The following NPAS2 variants were observed in gnomAD, a reference collection of about 807,000 sequenced individuals.
NPAS2 encodes neuronal PAS domain protein 2.
Under a neutral mutation model 107.5 loss-of-function variants are expected in NPAS2, and 23 were observed. The observed-to-expected ratio is 0.21, with a 90% CI of 0.15 to 0.30. The LOEUF (loss-of-function observed/expected upper bound fraction) is 0.30. Ranked by LOEUF, NPAS2 falls within the 10% of genes least tolerant of loss-of-function variation. The probability of loss-of-function intolerance (pLI) is 1.00; values close to 1 mark genes in which losing one functional copy is unlikely to be tolerated. For missense variants in NPAS2, 756 were observed against 1,043.3 expected (o/e 0.72, Z 3.79); for synonymous variants, 403 against 417.5 (o/e 0.97, Z 0.42).
intron 12 of NPAS2, among the ~76,000 whole-genome samples, 153 bp from the exon 13 acceptor site, chr2:100,974,650 C>T (rs767521899): frequency 5.3e-5 from 8 of 152,234 alleles, no homozygotes; most frequent in Admixed American, 3.9e-4. Context: ...TATGTATATA[C>T]TCTACCCAAG....
intron 1 of NPAS2, among the ~76,000 whole-genome samples, chr2:100,852,689 G>A (rs748430318): frequency 5.3e-5 from 8 of 152,050 alleles, no homozygotes; most frequent in African/African-American, 1.2e-4. Flanking sequence ...TGGAGTCACC[G>A]CCTCTACATT....
At chr2:100,851,774 G>T (rs2104476184) in intron 1 of NPAS2, among the ~76,000 whole-genome samples, 1 of 152,294 alleles carries the variant, frequency 6.6e-6, no homozygotes, top group East Asian at 1.9e-4. Context: ...CATTAATAGT[G>T]GTTGTCTGGG....
intron 3 of NPAS2, among the ~76,000 whole-genome samples, chr2:100,925,663 C>G (rs1683512206): frequency 6.6e-6 from 1 of 152,216 alleles, no homozygotes; most frequent in South Asian, 2.1e-4. Flanking sequence ...CCTGTGGGAT[C>G]AGACTATGTG....
chr2:100,989,008 CA>C, intron 17 of NPAS2: 1 of 249,812 alleles, frequency 4.0e-6, no homozygotes. Flanking sequence ...ACTGCTCCTC[CA>C]GGCCCCCCAG....
intron 16 of NPAS2, chr2:100,987,216 G>A (rs1388815981): frequency 2.6e-5 from 4 of 152,184 alleles, no homozygotes; most frequent in Admixed American, 6.5e-5. Flanking sequence ...TAATACAGGC[G>A]TTAGACACAG....
chr2:100,982,413 G>A, intron 16 of NPAS2, 36 bp downstream of exon 16: 2 of 1,607,572 alleles, frequency 1.2e-6, no homozygotes, highest in Non-Finnish European at 1.7e-6. Flanking sequence ...TGTCCCTGCT[G>A]CTGTGTGGGA....
Position 100,901,424 on chromosome 2 carries a change from A to G in NPAS2, c.-22-3309A>G, listed in dbSNP as rs950068341. The G allele has an allele frequency of 1.9e-5, 12 of 637,278 alleles. No homozygotes were observed. The Admixed American group carries it at 7.0e-4, about 37-fold the overall frequency. 39.5% of individuals were successfully genotyped at this position (637,278 alleles called of 1,614,324 possible). A position where few individuals can be genotyped will look rare whatever the true frequency, so the allele number is the denominator to read the frequency against. On this transcript the variant is annotated intron_variant, in intron 1 of 20. Transcript: ENST00000335681. ...TGGATTTCAAACTGGGGGGGATGTT[A>G]CAAAGCTTAAAAAGACTCCGGAGAG...
At position 100,937,822 on chromosome 2, in the gene NPAS2, C is replaced by T. The variant is rs1423558314; in HGVS notation, c.343C>T (p.Pro115Ser). Residue 115 changes from proline (P) to serine (S), a missense_variant, in exon 5 of 21, where the codon CCT (proline) becomes TCT (serine). Transcript: ENST00000335681. ...CATCTATGTCTCTGACAGTATCACG[C>T]CTCTCCTTGGGCATTTACCGGTGAG... ...SIIYVSDSIT[P>S]LLGHLPSDVM... The T allele has an allele frequency of 6.2e-7, 1 of 1,613,824 alleles. No individual in the cohort carries two copies. Among genetic ancestry groups the T allele is most frequent in the Non-Finnish European group, 8.5e-7 (1 of 1,179,688 alleles).
chr2:100,841,537 C>T (rs914906880), intron 1 of NPAS2, among the ~76,000 whole-genome samples: 3 of 152,210 alleles, frequency 2.0e-5, no homozygotes, highest in Non-Finnish European at 4.4e-5. Context: ...AGCATAATCC[C>T]TATTTGTGTG....
chr2:100,967,401 T>G (rs111666077), intron 10 of NPAS2, among the ~76,000 whole-genome samples: 1 of 151,894 alleles, frequency 6.6e-6, no homozygotes, highest in Non-Finnish European at 1.5e-5. Flanking sequence ...TAATTTTTTG[T>G]ATTTTTAGTA....
rs1200825243 is a variant in NPAS2 at position 100,974,822 on chromosome 2, A to T, written c.1160A>T (p.Glu387Val). 1 of 1,614,096 alleles carries T rather than the reference A, an allele frequency of 6.2e-7. No homozygotes were observed. The highest frequency in any genetic ancestry group is 1.7e-5 in the Admixed American group (1 of 60,014). ...SALKDKGSSL[E>V]PRQHFNTLDV... ...TTTCAGGACAAGGGCTCAAGCCTGG[A>T]ACCTCGGCAGCACTTTAACACACTC... The change falls in exon 13 of 21, where the codon GAA becomes GTA. Residue 387 changes from glutamate to valine, a missense_variant. Transcript: ENST00000335681.
intron 4 of NPAS2, chr2:100,934,060 G>T (rs1175986907): frequency 6.6e-6 from 1 of 152,138 alleles, no homozygotes; most frequent in African/African-American, 2.4e-5. Flanking sequence ...AAATGTAAAC[G>T]CATTAATGAA....
rs566931923 is a variant in NPAS2, at chr2:100,906,827, G to A, written c.32+2041G>A. Among the ~76,000 whole-genome samples the A allele has an allele frequency of 1.8e-4, 28 of 152,332 alleles. 1 individual carries two copies. The South Asian group carries it at 5.8e-3, about 32-fold the overall frequency. ...TCTTCTCAACATTCCTTTGAAGTGT[G>A]TATCATTCTTATTCCCATTTTACAG... is the stretch of plus-strand genomic sequence containing the variant. On this transcript the variant is annotated intron_variant, in intron 2 of 20. Coordinates refer to ENST00000335681, the MANE Select transcript of NPAS2 (RefSeq NM_002518.4).
chr2:100,822,189 C>A (rs115181746), intron 1 of NPAS2, among the ~76,000 whole-genome samples: 38 of 152,242 alleles, frequency 2.5e-4, no homozygotes, highest in Non-Finnish European at 4.3e-4. Flanking sequence ...GAAATACGTT[C>A]TAGAGGAAAT....
At chr2:100,884,188 A>G (rs1366596745) in intron 1 of NPAS2, among the ~76,000 whole-genome samples, 1 of 152,000 alleles carries the variant, frequency 6.6e-6, no homozygotes, top group African/African-American at 2.4e-5. Context: ...TGAAACCCCT[A>G]TATTTGTCAG....
chr2:100,977,633 C>G (rs1225576399), intron 14 of NPAS2, 77 bp from the exon 15 acceptor site: 1 of 1,290,206 alleles, frequency 7.8e-7, no homozygotes, highest in African/African-American at 1.5e-5. Context: ...GCAGAGAACC[C>G]ACCGGACCAA....
In NPAS2 at chr2:100,988,270, A is replaced by G. The variant is rs746285816; in HGVS notation, c.1821A>G (p.Ser607=). ...QHLLRESSVI[S]TQGPKPMRSS... Reference sequence around the variant, plus strand: ...TGCTCAGAGAATCAAGTGTGATATCAACCCAGGTAAATGTGCTCCTTGCCA... The same window carrying G: ...TGCTCAGAGAATCAAGTGTGATATCGACCCAGGTAAATGTGCTCCTTGCCA... Residue 607 remains serine (S), a synonymous_variant, in exon 17 of 21, where the codon TCA becomes TCG. Transcript: ENST00000335681. 6.2e-7 allele frequency: 1 copy of G among 1,613,282 alleles called. No individual in the cohort carries two copies.
chr2:100,858,951 G>T (rs72627421), intron 1 of NPAS2, among the ~76,000 whole-genome samples: 1 of 152,116 alleles, frequency 6.6e-6, no homozygotes, highest in Non-Finnish European at 1.5e-5. Context: ...AATATAAGTT[G>T]TTGGAGTAAA....
At chr2:100,973,864 C>T (rs977455696) in intron 12 of NPAS2, among the ~76,000 whole-genome samples, 24 of 152,104 alleles carry the variant, frequency 1.6e-4, no homozygotes, top group Non-Finnish European at 2.9e-4. Context: ...TTTTTTTAGA[C>T]AGAGTCTCAC....
Sources: gnomAD v4.1 joint callset for allele counts (sites outside exome capture counted in the v4.1 genomes callset) on GRCh38, gnomAD v4.1.1 for gene constraint, MANE v1.5 for transcripts, NCBI Gene and HGNC (gene_info 2026-07-23, HGNC 2026-07-21) for gene names.